Variants in FBLN1 observed in about 807,000 individuals in gnomAD.
FBLN1 encodes fibulin-1.
FBLN1 carries 34 observed loss-of-function variants against 89.7 expected under a neutral mutation model. The ratio of observed to expected loss-of-function variants is 0.38; its 90% CI spans 0.29 to 0.50. FBLN1 has a LOEUF of 0.50. Among genes scored for constraint, FBLN1 ranks in the 20% least tolerant of loss-of-function variants. The pLI is 0.92. For missense variants in FBLN1, 777 were observed against 988.1 expected (o/e 0.79, Z 2.86); for synonymous variants, 393 against 391.3 (o/e 1.00, Z -0.05).
intron 6 of FBLN1, 112 bp downstream of exon 6, chr22:45,533,276 G>T: frequency 5.0e-6 from 5 of 991,986 alleles, no homozygotes. Flanking sequence ...CCATTCAGGG[G>T]TGGAGAGCAG....
Position 45,528,089 on chromosome 22 carries a change from G to A in FBLN1, c.484+80G>A, listed in dbSNP as rs147271119. 3.9e-4 allele frequency: 595 copies of A among 1,532,234 alleles called. 1 individual carries two copies. The African/African-American group carries it at 7.2e-3, about 18-fold the overall frequency. The allele number at this position is 1,532,234 out of a possible 1,614,324, so 94.9% of individuals were successfully genotyped here. ...TGTATATAGAGCGAGAGTGGAGAGA[G>A]AGAGATTTTAAGGACTTGGCTCATG... On this transcript the variant is annotated intron_variant, in intron 4 of 16. Coordinates refer to ENST00000327858, the MANE Select transcript of FBLN1 (RefSeq NM_006486.3).
intron 1 of FBLN1, among the ~76,000 whole-genome samples, chr22:45,513,636 C>T (rs1215267689): frequency 1.3e-5 from 2 of 152,182 alleles, no homozygotes; most frequent in African/African-American, 2.4e-5. Context: ...ACTAACTCCC[C>T]GTCCTCTCCC....
At chr22:45,519,904 T>C (rs61143278) in intron 2 of FBLN1, among the ~76,000 whole-genome samples, 1 of 152,114 alleles carries the variant, frequency 6.6e-6, no homozygotes, top group East Asian at 2.0e-4. Context: ...GCGCGGTGGC[T>C]CACCCCTGTA....
At chr22:45,544,387 T>C (rs2088599407) in intron 11 of FBLN1, among the ~76,000 whole-genome samples, 1 of 152,160 alleles carries the variant, frequency 6.6e-6, no homozygotes, top group African/African-American at 2.4e-5. Context: ...GCGCCCGGCC[T>C]GCCTCTAACT....
intron 10 of FBLN1, 116 bp downstream of exon 10, chr22:45,542,399 A>C: frequency 7.2e-7 from 1 of 1,386,918 alleles, no homozygotes; most frequent in Non-Finnish European, 1.0e-6. Flanking sequence ...TCCCAAGTGC[A>C]GGCAGACCCT....
intron 1 of FBLN1, among the ~76,000 whole-genome samples, chr22:45,509,392 AC>A (rs2088068149): frequency 1.3e-5 from 2 of 151,940 alleles, no homozygotes; most frequent in African/African-American, 4.8e-5. Flanking sequence ...ACCATCCAAG[AC>A]CCCTGTCATC....
At position 45,557,457 on chromosome 22, in the gene FBLN1, A is replaced by G. The variant is rs1254800768; in HGVS notation, c.1697+6842A>G. 3.3e-5 allele frequency among the ~76,000 whole-genome samples: 5 copies of G among 152,144 alleles called. No homozygotes were observed. In the East Asian group the frequency reaches 9.6e-4, roughly 29 times the overall value. On this transcript the variant is annotated intron_variant, in intron 14 of 16. Coordinates refer to ENST00000327858, the MANE Select transcript of FBLN1 (RefSeq NM_006486.3). The surrounding 1 kb of genome is among the most constrained non-coding windows in gnomAD (Gnocchi z 4.9). ...CAGTGTTGGTCTCTGCTACTGGCGA[A>G]TTGGGTACTCAGCAGTGGCCATATC...
intron 14 of FBLN1, among the ~76,000 whole-genome samples, chr22:45,559,263 G>A (rs2088824748): frequency 6.6e-6 from 1 of 152,166 alleles, no homozygotes; most frequent in Admixed American, 6.5e-5. Flanking sequence ...GTCACCACTT[G>A]GTTAAACTTA....
intron 14 of FBLN1, among the ~76,000 whole-genome samples, chr22:45,554,018 T>C (rs2088742448): frequency 2.0e-5 from 3 of 152,224 alleles, no homozygotes; most frequent in South Asian, 2.1e-4. Flanking sequence ...TGTGCATACA[T>C]TGTGTGTGTA....
At chr22:45,510,429 G>T (rs1159323373) in intron 1 of FBLN1, among the ~76,000 whole-genome samples, 1 of 152,128 alleles carries the variant, frequency 6.6e-6, no homozygotes, top group African/African-American at 2.4e-5. Context: ...AAAAACTGAG[G>T]CCCGGACTTG....
At chr22:45,592,140 T>G (rs2089143521) in intron 16 of FBLN1, among the ~76,000 whole-genome samples, 1 of 152,138 alleles carries the variant, frequency 6.6e-6, no homozygotes, top group African/African-American at 2.4e-5. Flanking sequence ...TAGTAGCGCC[T>G]CATTTTTCTC....
At chr22:45,555,159 G>A (rs9614707) in intron 14 of FBLN1, among the ~76,000 whole-genome samples, 8 of 150,050 alleles carry the variant, frequency 5.3e-5, no homozygotes, top group South Asian at 2.1e-4. Flanking sequence ...TGTCTCCACC[G>A]CAGGAGGTTG....
At position 45,600,350 on chromosome 22, in the gene FBLN1, C is replaced by G; in HGVS notation, c.2016C>G (p.Ala672=). The G allele has an allele frequency of 1.2e-6, 2 of 1,614,164 alleles. No homozygotes were observed. Among genetic ancestry groups the G allele is most frequent in the Non-Finnish European group, 1.7e-6 (2 of 1,180,020 alleles). Residue 672 remains alanine, a synonymous_variant, in exon 17 of 17, where the codon GCC becomes GCG. Coordinates refer to ENST00000327858, the MANE Select transcript of FBLN1 (RefSeq NM_006486.3). ...GGCCCATCGTGGGCCCATTTCATGCCGTCCTGAAGCTGGAGATGAACTATG... is the reference window on the plus strand; with the variant it reads ...GGCCCATCGTGGGCCCATTTCATGCGGTCCTGAAGCTGGAGATGAACTATG... ...QVRPIVGPFH[A]VLKLEMNYVV...
intron 8 of FBLN1, among the ~76,000 whole-genome samples, chr22:45,540,436 G>C (rs998056483): frequency 6.6e-6 from 1 of 152,154 alleles, no homozygotes; most frequent in Non-Finnish European, 1.5e-5. Flanking sequence ...GCAGGGAGAG[G>C]GGTACAGCTG....
At chr22:45,544,700 G>C (rs891682097) in intron 11 of FBLN1, among the ~76,000 whole-genome samples, 1 of 152,164 alleles carries the variant, frequency 6.6e-6, no homozygotes, top group African/African-American at 2.4e-5. Flanking sequence ...CTGGATACCT[G>C]GTCTTGGGCC....
rs2088690999 is a variant in FBLN1 at position 45,550,689 on chromosome 22, G to C, written c.1697+74G>C. The stretch of plus-strand genomic sequence containing the variant: ...TGGTGACCCAGTTCCCGGGTGGGTG[G>C]GTTATCAGGCTGTGACCTCGGTGTC... On this transcript the variant is annotated intron_variant, in intron 14 of 16. Transcript: ENST00000327858. The surrounding 1 kb of genome is among the most constrained non-coding windows in gnomAD (Gnocchi z 8.4). 1 of 1,608,672 alleles carries C rather than the reference G, an allele frequency of 6.2e-7. No homozygotes were observed. Among genetic ancestry groups the C allele is most frequent in the Non-Finnish European group, 8.5e-7 (1 of 1,176,172 alleles).
At chr22:45,582,096 G>A (rs745963839) in intron 16 of FBLN1, among the ~76,000 whole-genome samples, 1 of 152,220 alleles carries the variant, frequency 6.6e-6, no homozygotes, top group Non-Finnish European at 1.5e-5. Flanking sequence ...GAGGCCGGAA[G>A]AGCCAAGTCC....
At chr22:45,514,619 G>A (rs1411362052) in intron 1 of FBLN1, among the ~76,000 whole-genome samples, 2 of 152,208 alleles carry the variant, frequency 1.3e-5, no homozygotes, top group African/African-American at 4.8e-5. Flanking sequence ...GAGGAGGCTT[G>A]TTTGTGGGGG....
rs146730221 is a variant in FBLN1 at position 45,590,704 on chromosome 22, G to T, written c.1973-9603G>T. Among the ~76,000 whole-genome samples the T allele has an allele frequency of 7.9e-5, 12 of 152,162 alleles. No homozygotes were observed. The highest frequency in any genetic ancestry group is 2.9e-4 in the African/African-American group (12 of 41,442). On this transcript the variant is annotated intron_variant, in intron 16 of 16. Transcript: ENST00000327858. The surrounding 1 kb of genome is among the most constrained non-coding windows in gnomAD (Gnocchi z 4.1). The stretch of plus-strand genomic sequence containing the variant: ...GAGAGTCTGGAGACCTTTAGGAATA[G>T]AATCCATTGGCCTCAGTGATGGTTT...
Sources: allele counts gnomAD v4.1 joint callset (sites outside exome capture counted in the v4.1 genomes callset), GRCh38; gene constraint gnomAD v4.1.1; non-coding constraint Gnocchi (gnomAD v3.1); transcripts MANE v1.5; gene names NCBI Gene and HGNC (gene_info 2026-07-23, HGNC 2026-07-21).